Variants in DPP6 observed in about 807,000 individuals in gnomAD.
The protein encoded by DPP6 is dipeptidyl peptidase like 6.
A neutral mutation model predicts 122.6 loss-of-function variants in DPP6; 69 were observed. That is an observed-to-expected ratio of 0.56 (90% CI 0.46 to 0.69). The LOEUF (loss-of-function observed/expected upper bound fraction) is 0.69, where lower values mean the gene tolerates loss of function less well. Ranked by LOEUF, DPP6 falls within the 30% of genes least tolerant of loss-of-function variation. The pLI, the probability that DPP6 is intolerant of heterozygous loss-of-function variation, is 0.00. For missense variants in DPP6, 928 were observed against 1,116.9 expected, an observed-to-expected ratio of 0.83 and a Z score of 2.41; for synonymous variants, 418 against 433.1, an observed-to-expected ratio of 0.97 and a Z score of 0.43.
intron 1 of DPP6, chr7:154,055,882 A>G (rs1416153900): frequency 6.6e-6 from 1 of 152,248 alleles, no homozygotes; most frequent in African/African-American, 2.4e-5. Context: ...GGCAAGCAGC[A>G]TACCTTTATA....
intron 1 of DPP6, among the ~76,000 whole-genome samples, chr7:154,381,357 G>T (rs1813588699): frequency 6.6e-6 from 1 of 152,186 alleles, no homozygotes; most frequent in South Asian, 2.1e-4. Context: ...AGTATTCTCA[G>T]AATTTTGGCA....
intron 1 of DPP6, among the ~76,000 whole-genome samples, chr7:153,985,056 T>G (rs572237288): frequency 6.6e-6 from 1 of 152,194 alleles, no homozygotes; most frequent in African/African-American, 2.4e-5. Context: ...AAGGGAAAGA[T>G]AGAGATTAAG....
At chr7:153,926,825 ATAC>A (rs1563015433) in intron 1 of DPP6, among the ~76,000 whole-genome samples, 1 of 151,696 alleles carries the variant, frequency 6.6e-6, no homozygotes, top group East Asian at 1.9e-4. Context: ...AAAAAAAAAA[ATAC>A]TACTTGTTAC....
At chr7:154,073,785 AAG>A (rs1803301624) in intron 1 of DPP6, among the ~76,000 whole-genome samples, 3 of 152,180 alleles carry the variant, frequency 2.0e-5, no homozygotes, top group Non-Finnish European at 4.4e-5. Context: ...ATTTGAAAGT[AAG>A]TTATTTTTAA....
At chr7:154,415,019 C>G (rs1181281736) in intron 1 of DPP6, among the ~76,000 whole-genome samples, 1 of 152,158 alleles carries the variant, frequency 6.6e-6, no homozygotes, top group African/African-American at 2.4e-5. Context: ...TGAAGGCTGG[C>G]CACTGCAGGG....
chr7:153,806,833 G>C, the DPP6 span, among the ~76,000 whole-genome samples: 2 of 144,092 alleles, frequency 1.4e-5, no homozygotes, highest in Non-Finnish European at 3.0e-5. Flanking sequence ...GAAGGGGTGA[G>C]GAAAGGCAGG....
Position 154,241,215 on chromosome 7 carries a change from GTGTGTATA to G in DPP6, c.243+188154_243+188161del, listed in dbSNP as rs1196380024. ...TGTGTGTGTGTGTGTGTGTGTGTGT[GTGTGTATA>G]TATATATAGAGAGAGAGAGAGACAC... On this transcript the variant is annotated intron_variant, in intron 1 of 25. Coordinates refer to ENST00000377770, the MANE Select transcript of DPP6 (RefSeq NM_130797.4). This position sits in a 1 kb window ranked among gnomAD's most constrained non-coding sequence, Gnocchi z 9.0. Among the ~76,000 whole-genome samples the G allele has an allele frequency of 1.5e-3, 218 of 148,442 alleles. 1 individual carries two copies. The highest frequency in any genetic ancestry group is 5.2e-3 in the African/African-American group (199 of 38,222).
chr7:153,972,910 AATTT>A (rs1339170303), intron 1 of DPP6, among the ~76,000 whole-genome samples: 1 of 151,988 alleles, frequency 6.6e-6, no homozygotes, highest in African/African-American at 2.4e-5. Context: ...GACATTTAGG[AATTT>A]ATTTAAAAAG....
At chr7:154,790,833 AAAGG>A (rs1563213706) in intron 10 of DPP6, among the ~76,000 whole-genome samples, 1 of 125,034 alleles carries the variant, frequency 8.0e-6, no homozygotes, top group Admixed American at 8.1e-5. Flanking sequence ...GAGGGAGAGG[AAAGG>A]AAGGAGGGAG....
At chr7:154,265,101 TGA>T in intron 1 of DPP6, among the ~76,000 whole-genome samples, 1 of 133,196 alleles carries the variant, frequency 7.5e-6, no homozygotes, top group African/African-American at 3.5e-5. Context: ...ATGATGGTGA[TGA>T]TAATGATAGT....
chr7:154,663,889 A>G (rs1837951329), intron 6 of DPP6, among the ~76,000 whole-genome samples: 2 of 102,194 alleles, frequency 2.0e-5, no homozygotes, highest in African/African-American at 2.8e-5. Context: ...TAGTGTTCAT[A>G]TAGTCATGGT....
intron 1 of DPP6, among the ~76,000 whole-genome samples, chr7:154,301,786 CTTTTTTTTT>C (rs869114137): frequency 8.3e-5 from 10 of 119,810 alleles, no homozygotes; most frequent in Non-Finnish European, 1.4e-4. Flanking sequence ...GATCTGCCCT[CTTTTTTTTT>C]TTTTTTTTTT....
chr7:154,249,740 TA>T (rs2150893002), intron 1 of DPP6, among the ~76,000 whole-genome samples: 1 of 152,274 alleles, frequency 6.6e-6, no homozygotes, highest in African/African-American at 2.4e-5. Flanking sequence ...TCCATGTGAC[TA>T]TACACATATG....
intron 5 of DPP6, among the ~76,000 whole-genome samples, chr7:154,627,615 C>T (rs543797776): frequency 4.6e-5 from 7 of 152,234 alleles, no homozygotes; most frequent in African/African-American, 1.7e-4. Flanking sequence ...GGGGTGACTA[C>T]GACCTGCTTG....
intron 8 of DPP6, among the ~76,000 whole-genome samples, chr7:154,763,156 A>T (rs1795666822): frequency 6.6e-6 from 1 of 152,188 alleles, no homozygotes; most frequent in South Asian, 2.1e-4. Context: ...ACATGGTGAA[A>T]CCCCGTCTCT....
chr7:153,828,217 C>T, the DPP6 span, among the ~76,000 whole-genome samples: 2 of 152,270 alleles, frequency 1.3e-5, no homozygotes, highest in Admixed American at 1.3e-4. Flanking sequence ...CAAAACAGGA[C>T]GCTTAAGTAA....
At chr7:154,006,119 G>C (rs898711819) in intron 1 of DPP6, among the ~76,000 whole-genome samples, 6 of 152,158 alleles carry the variant, frequency 3.9e-5, no homozygotes. Flanking sequence ...AAGGGGTGCT[G>C]ACAGGTACAG....
At chr7:154,196,828 C>T (rs537919168) in intron 1 of DPP6, among the ~76,000 whole-genome samples, 1 of 152,250 alleles carries the variant, frequency 6.6e-6, no homozygotes, top group African/African-American at 2.4e-5. Flanking sequence ...CAGAAGCTGG[C>T]CCTATCCCGT....
At chr7:154,625,629 A>AC (rs1835016605) in intron 5 of DPP6, among the ~76,000 whole-genome samples, 1 of 152,172 alleles carries the variant, frequency 6.6e-6, no homozygotes, top group African/African-American at 2.4e-5. Flanking sequence ...AATGCACTTG[A>AC]CCCTCAGTGC....
Sources: allele counts gnomAD v4.1 joint callset (sites outside exome capture counted in the v4.1 genomes callset), GRCh38; gene constraint gnomAD v4.1.1; non-coding constraint Gnocchi (gnomAD v3.1); transcripts MANE v1.5; gene names NCBI Gene and HGNC (gene_info 2026-07-23, HGNC 2026-07-21).